Variants in CERS6 observed in about 807,000 individuals in gnomAD.
CERS6 encodes LAG1 homolog, ceramide synthase 6.
In CERS6, 26 loss-of-function variants were observed where a neutral mutation model predicts 56.8. That is an observed-to-expected ratio of 0.46 (90% confidence interval 0.34 to 0.63). CERS6 has a LOEUF of 0.63. Ranked by LOEUF, CERS6 falls within the 30% of genes least tolerant of loss-of-function variation. CERS6 has a pLI of 0.01. For synonymous variants in CERS6, 164 were observed against 173.3 expected (o/e 0.95, Z 0.42); for missense variants, 415 against 467.5 (o/e 0.89, Z 1.04).
intron 8 of CERS6, among the ~76,000 whole-genome samples, chr2:168,732,021 G>C (rs1288604102): frequency 6.6e-6 from 1 of 152,144 alleles, no homozygotes; most frequent in Non-Finnish European, 1.5e-5. Flanking sequence ...CACAAAATAG[G>C]TTAAAGCTGC....
chr2:168,551,214 T>C (rs759101727), intron 2 of CERS6, among the ~76,000 whole-genome samples: 2 of 152,222 alleles, frequency 1.3e-5, no homozygotes, highest in African/African-American at 2.4e-5. Context: ...AAATTATTAA[T>C]AGCTGAAAAA....
At position 168,465,881 on chromosome 2, in the gene CERS6, T is replaced by TA. The variant is rs369797329; in HGVS notation, c.170+9271dup. Among the ~76,000 whole-genome samples, 271 of 152,168 alleles carry TA rather than the reference T, an allele frequency of 1.8e-3. 1 individual carries two copies. Among genetic ancestry groups the TA allele is most frequent in the African/African-American group, 6.3e-3 (261 of 41,506 alleles). ...TATGCTATGTGTATTTTACCACAAT[T>TA]AAAAAAAATAGAAGATTTGCTGACT... On this transcript the variant is annotated intron_variant, in intron 1 of 9. Coordinates refer to ENST00000305747, the MANE Select transcript of CERS6 (RefSeq NM_203463.3).
chr2:168,739,349 A>G (rs149268306), intron 8 of CERS6, among the ~76,000 whole-genome samples: 1 of 152,158 alleles, frequency 6.6e-6, no homozygotes, highest in East Asian at 1.9e-4. Flanking sequence ...ACCATGAGCA[A>G]AAGCGGAGAG....
chr2:168,595,134 C>T (rs1200105693), intron 3 of CERS6, among the ~76,000 whole-genome samples: 1 of 152,094 alleles, frequency 6.6e-6, no homozygotes, highest in African/African-American at 2.4e-5. Context: ...ACAGAAGCAC[C>T]CTAACACTCA....
At chr2:168,563,132 A>G (rs1695822144) in intron 3 of CERS6, among the ~76,000 whole-genome samples, 1 of 152,188 alleles carries the variant, frequency 6.6e-6, no homozygotes, top group Non-Finnish European at 1.5e-5. Flanking sequence ...GGATCTTGTT[A>G]AAATGCGGAA....
At chr2:168,633,643 C>T (rs1559029298) in intron 4 of CERS6, among the ~76,000 whole-genome samples, 1 of 152,048 alleles carries the variant, frequency 6.6e-6, no homozygotes, top group Non-Finnish European at 1.5e-5. Context: ...TTAAATACTT[C>T]TTTTAATGTA....
chr2:168,527,955 G>C (rs764165649), intron 1 of CERS6, among the ~76,000 whole-genome samples: 2 of 151,976 alleles, frequency 1.3e-5, no homozygotes, highest in Non-Finnish European at 2.9e-5. Context: ...TCCTGAGCTT[G>C]AGTGATCTGC....
chr2:168,667,918 C>T (rs1685805691), intron 4 of CERS6, among the ~76,000 whole-genome samples: 1 of 152,092 alleles, frequency 6.6e-6, no homozygotes, highest in African/African-American at 2.4e-5. Flanking sequence ...TTGGGGGAAC[C>T]TCTGAACAGT....
intron 1 of CERS6, among the ~76,000 whole-genome samples, chr2:168,474,687 A>T (rs967860727): frequency 6.6e-6 from 1 of 152,232 alleles, no homozygotes; most frequent in African/African-American, 2.4e-5. Context: ...CATAAAATAC[A>T]GTGAGAAATT....
At chr2:168,543,444 C>T (rs996633164) in intron 1 of CERS6, among the ~76,000 whole-genome samples, 2 of 151,512 alleles carry the variant, frequency 1.3e-5, no homozygotes, top group Admixed American at 6.6e-5. Context: ...CCTTTGTGAA[C>T]TTATTTATGT....
At chr2:168,626,330 C>T (rs1003417761) in intron 3 of CERS6, among the ~76,000 whole-genome samples, 4 of 152,094 alleles carry the variant, frequency 2.6e-5, no homozygotes, top group African/African-American at 4.8e-5. Flanking sequence ...CTGAGTCGTG[C>T]GGGGTGGTGG....
At chr2:168,505,932 T>C (rs1694669456) in intron 1 of CERS6, among the ~76,000 whole-genome samples, 2 of 152,338 alleles carry the variant, frequency 1.3e-5, no homozygotes, top group South Asian at 4.1e-4. Context: ...GGCACTGTTG[T>C]GTCTTTTGCT....
At chr2:168,648,871 G>C (rs1047256286) in intron 4 of CERS6, among the ~76,000 whole-genome samples, 1 of 152,022 alleles carries the variant, frequency 6.6e-6, no homozygotes, top group Non-Finnish European at 1.5e-5. Flanking sequence ...TATGATTTTG[G>C]TTCTTTTGCA....
intron 8 of CERS6, among the ~76,000 whole-genome samples, chr2:168,759,000 CAT>C (rs991254298): frequency 6.6e-6 from 1 of 152,168 alleles, no homozygotes; most frequent in Non-Finnish European, 1.5e-5. Flanking sequence ...CCCACACACA[CAT>C]ATCCCTTATG....
At chr2:168,700,461 C>G (rs1004479333) in intron 6 of CERS6, among the ~76,000 whole-genome samples, 1 of 152,102 alleles carries the variant, frequency 6.6e-6, no homozygotes, top group East Asian at 1.9e-4. Context: ...CAAAAAGCAC[C>G]TACCATGAAC....
chr2:168,657,669 G>T (rs1188201923), intron 4 of CERS6, among the ~76,000 whole-genome samples: 3 of 152,244 alleles, frequency 2.0e-5, no homozygotes. Context: ...ACCCTCCGCA[G>T]CCACTGGCCC....
rs910766772 is a variant in CERS6, at chr2:168,547,365, G to A, written c.171-231G>A. 5.9e-5 allele frequency among the ~76,000 whole-genome samples: 9 copies of A among 152,236 alleles called. No homozygotes were observed. The East Asian group carries it at 1.7e-3, about 29-fold the overall frequency. On this transcript the variant is annotated intron_variant, in intron 1 of 9. Coordinates refer to ENST00000305747, the MANE Select transcript of CERS6 (RefSeq NM_203463.3). Reference sequence around the variant, plus strand: ...CTCATTAGAACTTGAGGATTGGAGGGTTTAAATGTTTTAAAAGGATTTCTT... The same window carrying A: ...CTCATTAGAACTTGAGGATTGGAGGATTTAAATGTTTTAAAAGGATTTCTT...
chr2:168,728,574 A>G (rs2040566713), intron 8 of CERS6, among the ~76,000 whole-genome samples: 1 of 151,342 alleles, frequency 6.6e-6, no homozygotes, highest in Admixed American at 6.6e-5. Context: ...TTTAGTAGAG[A>G]TGGGGTTTCA....
At chr2:168,769,476 G>A (rs1684809097) in intron 9 of CERS6, 34 bp from the exon 10 acceptor site, 3 of 1,530,942 alleles carry the variant, frequency 2.0e-6, no homozygotes, top group African/African-American at 1.4e-5. Context: ...GATTTCTTAG[G>A]TGCTGGTTAT....
Sources: allele counts gnomAD v4.1 joint callset (sites outside exome capture counted in the v4.1 genomes callset), GRCh38; gene constraint gnomAD v4.1.1; transcripts MANE v1.5; gene names NCBI Gene and HGNC (gene_info 2026-07-23, HGNC 2026-07-21).